The following MAG variants were observed in gnomAD, a reference collection of about 807,000 sequenced individuals.
MAG encodes the protein myelin associated glycoprotein, also known as myelin-associated glycoprotein.
In MAG, 30 loss-of-function variants were observed where a neutral mutation model predicts 60.7. That is an observed-to-expected ratio of 0.49 (90% confidence interval 0.37 to 0.67). The LOEUF (loss-of-function observed/expected upper bound fraction) is 0.67. MAG is among the 30% of genes least tolerant of loss of function. MAG has a pLI of 0.00. For missense variants in MAG, 795 were observed against 851.7 expected (o/e 0.93, Z 0.83); for synonymous variants, 384 against 376.8 (o/e 1.02, Z -0.22).
chr19:35,310,171 G>T lies in MAG; in HGVS notation c.1519+10G>T. 1 of 1,596,934 alleles carries T rather than the reference G, an allele frequency of 6.3e-7. No homozygotes were observed. ...CCCTTCCAGGGAGCCCGTGAGTGGC[G>T]TGGACTTGGGGTGGGAGCCACAGGA... On this transcript the variant is annotated intron_variant, in intron 8 of 10. Coordinates refer to ENST00000392213, the MANE Select transcript of MAG (RefSeq NM_002361.4).
At position 35,295,273 on chromosome 19, in the gene MAG, A is replaced by G; in HGVS notation, c.-23-113A>G. 1.2e-6 allele frequency: 1 copy of G among 840,766 alleles called. No individual in the cohort carries two copies. The highest frequency in any genetic ancestry group is 2.5e-5 in the East Asian group (1 of 40,280). The allele number at this position is 840,766 out of a possible 1,614,324, so 52.1% of individuals were successfully genotyped here. ...GAAAAATAAGTAAATAAATGCATAA[A>G]TAAATAATAATAGCAGCAGCAGCTA... On this transcript the variant is annotated intron_variant, in intron 2 of 10. Coordinates refer to ENST00000392213, the MANE Select transcript of MAG (RefSeq NM_002361.4). The surrounding 1 kb of genome is among the most constrained non-coding windows in gnomAD (Gnocchi z 5.8).
Position 35,310,007 on chromosome 19 carries a change from G to A in MAG, c.1365G>A (p.Glu455=), listed in dbSNP as rs780422809. ...CATCGCGCAATGTGACCGTGAACGAGAGCGAGCGGGAGTTCGTGTACTCGG... is the reference window on the plus strand; with the variant it reads ...CATCGCGCAATGTGACCGTGAACGAAAGCGAGCGGGAGTTCGTGTACTCGG... ...ELPSRNVTVN[E]SEREFVYSER... Residue 455 remains glutamate (E), a synonymous_variant, in exon 8 of 11, where the codon GAG becomes GAA. Coordinates refer to ENST00000392213, the MANE Select transcript of MAG (RefSeq NM_002361.4). 1.2e-6 allele frequency: 2 copies of A among 1,614,032 alleles called. No homozygotes were observed. Among genetic ancestry groups the A allele is most frequent in the South Asian group, 2.2e-5 (2 of 91,090 alleles).
chr19:35,295,570 G>T lies in MAG; in HGVS notation c.47-43G>T. 6.3e-7 allele frequency: 1 copy of T among 1,595,086 alleles called. No individual in the cohort carries two copies. Among genetic ancestry groups the T allele is most frequent in the Non-Finnish European group, 8.5e-7 (1 of 1,171,544 alleles). On this transcript the variant is annotated intron_variant, in intron 3 of 10. Transcript: ENST00000392213. This position sits in a 1 kb window ranked among gnomAD's most constrained non-coding sequence, Gnocchi z 5.8. Reference sequence around the variant, plus strand: ...GATGGGAGCCGGAGGGGGTGATCGGGTAGGACGTGTCCCTGAGCCTCAGCT... The same window carrying T: ...GATGGGAGCCGGAGGGGGTGATCGGTTAGGACGTGTCCCTGAGCCTCAGCT...
rs1038697689 is a variant in MAG, at chr19:35,295,312, C to A, written c.-23-74C>A. 2 of 1,175,182 alleles carry A rather than the reference C, an allele frequency of 1.7e-6. No individual in the cohort carries two copies. The highest frequency in any genetic ancestry group is 2.5e-6 in the Non-Finnish European group (2 of 804,690). The allele number at this position is 1,175,182 out of a possible 1,614,324, so 72.8% of individuals were successfully genotyped here. ...CAGCAGCAGCTAACATATGAATGGG[C>A]CCCTTCCTGAAGCCCAGATGGAACA... On this transcript the variant is annotated intron_variant, in intron 2 of 10. Transcript: ENST00000392213. The surrounding 1 kb of genome is among the most constrained non-coding windows in gnomAD (Gnocchi z 5.8).
intron 9 of MAG, 124 bp downstream of exon 9, chr19:35,310,767 C>A: frequency 3.7e-6 from 3 of 803,824 alleles, no homozygotes; most frequent in South Asian, 1.5e-5. Flanking sequence ...AGATTCTGTT[C>A]TGGGAATGTT....
rs202193702 is a variant in MAG, at chr19:35,302,579, A to C, written c.1102A>C (p.Thr368Pro). The stretch of plus-strand genomic sequence containing the variant: ...CTTCAAGGAGAAGCAGATCCTGTCC[A>C]CGGTCATCTACGAGAGCGAGCTGCA... ...TIFKEKQILS[T>P]VIYESELQLE... is the part of the protein sequence containing the mutation. Residue 368 changes from threonine to proline, a missense_variant, in exon 7 of 11, where the codon ACG (threonine) becomes CCG (proline). By Grantham distance (38) the Thr-to-Pro change is conservative (BLOSUM62 -1). Coordinates refer to ENST00000392213, the MANE Select transcript of MAG (RefSeq NM_002361.4). 3.7e-6 allele frequency: 6 copies of C among 1,614,086 alleles called. No individual in the cohort carries two copies. Among genetic ancestry groups the C allele is most frequent in the Non-Finnish European group, 5.1e-6 (6 of 1,180,048 alleles).
chr19:35,300,077 G>A, intron 5 of MAG, 70 bp from the exon 6 acceptor site: 6 of 1,454,828 alleles, frequency 4.1e-6, no homozygotes, highest in African/African-American at 1.4e-5. Flanking sequence ...GGGCGGGGCC[G>A]GGCTGGGAGA....
chr19:35,295,562 G>A lies in MAG; in HGVS notation c.47-51G>A, dbSNP rs751314676. 22 of 1,596,980 alleles carry A rather than the reference G, an allele frequency of 1.4e-5. No individual in the cohort carries two copies. Among genetic ancestry groups the A allele is most frequent in the Non-Finnish European group, 1.5e-5 (18 of 1,172,052 alleles). ...TGGTTGGGGATGGGAGCCGGAGGGG[G>A]TGATCGGGTAGGACGTGTCCCTGAG... On this transcript the variant is annotated intron_variant, in intron 3 of 10. Transcript: ENST00000392213. The surrounding 1 kb of genome is among the most constrained non-coding windows in gnomAD (Gnocchi z 5.8).
At chr19:35,312,356 T>C (rs1302811629) in intron 10 of MAG, 1 of 1,596,498 alleles carries the variant, frequency 6.3e-7, no homozygotes, top group South Asian at 1.1e-5. Context: ...TGTGCCCTCC[T>C]CTGGGCCCTC....
intron 4 of MAG, among the ~76,000 whole-genome samples, chr19:35,297,140 C>G (rs2066403994): frequency 6.8e-6 from 1 of 146,830 alleles, no homozygotes; most frequent in South Asian, 2.2e-4. Context: ...CACACACACA[C>G]CACACCAAAC....
At chr19:35,308,178 A>C (rs916330576) in intron 7 of MAG, among the ~76,000 whole-genome samples, 3 of 152,122 alleles carry the variant, frequency 2.0e-5, no homozygotes, top group Non-Finnish European at 4.4e-5. Flanking sequence ...ACGTGGAGCG[A>C]GGTGCAGCTT....
Position 35,300,147 on chromosome 19 carries a change from AC to A in MAG, c.719del (p.Pro240ArgfsTer2), listed in dbSNP as rs770601245. Reference protein sequence around the residue: ...FEGYASMDVKYPPVIVEMNSS... With the variant: ...FEGYASMDVKXPPVIVEMNSS... ...AACCTCGCTGTGTCGCGGGCCTTAGACCCCCCGGTGATTGTGGAGATGAACT... is the reference window on the plus strand; with the variant it reads ...AACCTCGCTGTGTCGCGGGCCTTAGACCCCCGGTGATTGTGGAGATGAACT... On this transcript the variant is annotated frameshift_variant and splice_region_variant, in exon 6 of 11. Transcript: ENST00000392213. LOFTEE classifies it high-confidence loss of function. 2.6e-6 allele frequency: 4 copies of A among 1,526,280 alleles called. No homozygotes were observed. Among genetic ancestry groups the A allele is most frequent in the Non-Finnish European group, 1.8e-6 (2 of 1,133,934 alleles). The allele number at this position is 1,526,280 out of a possible 1,614,324, so 94.5% of individuals were successfully genotyped here.
At chr19:35,297,403 A>G (rs1490553366) in intron 4 of MAG, among the ~76,000 whole-genome samples, 2 of 146,760 alleles carry the variant, frequency 1.4e-5, no homozygotes, top group Admixed American at 6.8e-5. Context: ...CACACCACAC[A>G]AACACCACAC....
chr19:35,310,170 C>G lies in MAG; in HGVS notation c.1519+9C>G. 2 of 1,597,520 alleles carry G rather than the reference C, an allele frequency of 1.3e-6. No individual in the cohort carries two copies. The highest frequency in any genetic ancestry group is 1.7e-6 in the Non-Finnish European group (2 of 1,169,498). ...GCCCTTCCAGGGAGCCCGTGAGTGG[C>G]GTGGACTTGGGGTGGGAGCCACAGG... On this transcript the variant is annotated intron_variant, in intron 8 of 10. Transcript: ENST00000392213.
At chr19:35,301,219 T>C (rs1033467675) in intron 6 of MAG, among the ~76,000 whole-genome samples, 2 of 152,098 alleles carry the variant, frequency 1.3e-5, no homozygotes, top group African/African-American at 2.4e-5. Flanking sequence ...ATGAGAGGGT[T>C]GAGGGGACTT....
chr19:35,310,074 GGGCAGGCCCAGGCCCCGCCCCGCGTCAT>G lies in MAG; in HGVS notation c.1433_1460del (p.Gly478AlafsTer23). 6.2e-7 allele frequency: 1 copy of G among 1,613,436 alleles called. No individual in the cohort carries two copies. Among genetic ancestry groups the G allele is most frequent in the Admixed American group, 1.7e-5 (1 of 59,996 alleles). On this transcript the variant is annotated frameshift_variant, in exon 8 of 11. Transcript: ENST00000392213. LOFTEE classifies it high-confidence loss of function. Reference sequence around the variant, plus strand: ...GCTCACCAGCATCCTCACGCTGCGGGGGCAGGCCCAGGCCCCGCCCCGCGTCATCTGCACCGCGAGGAACCTCTATGGC... The same window carrying G: ...GCTCACCAGCATCCTCACGCTGCGGGCTGCACCGCGAGGAACCTCTATGGC...
chr19:35,311,152 C>G (rs1470408071), intron 9 of MAG, among the ~76,000 whole-genome samples: 3 of 151,944 alleles, frequency 2.0e-5, no homozygotes, highest in Non-Finnish European at 2.9e-5. Context: ...GGCAACATAG[C>G]AAGACCACAT....
intron 10 of MAG, among the ~76,000 whole-genome samples, chr19:35,313,059 C>T (rs1415068743): frequency 6.6e-6 from 1 of 152,164 alleles, no homozygotes; most frequent in Non-Finnish European, 1.5e-5. Context: ...CCTGGAGAAA[C>T]TGAATTTGTA....
intron 7 of MAG, among the ~76,000 whole-genome samples, chr19:35,305,445 C>T (rs1459085175): frequency 6.6e-6 from 1 of 152,166 alleles, no homozygotes; most frequent in Non-Finnish European, 1.5e-5. Context: ...GTTCTTACAA[C>T]CATGTGATTG....
Sources: allele counts gnomAD v4.1 joint callset (sites outside exome capture counted in the v4.1 genomes callset), GRCh38; gene constraint gnomAD v4.1.1; non-coding constraint Gnocchi (gnomAD v3.1); transcripts MANE v1.5; gene names NCBI Gene and HGNC (gene_info 2026-07-23, HGNC 2026-07-21).